Variants in POTEJ observed in about 807,000 individuals in gnomAD.
The protein encoded by POTEJ is POTE ankyrin domain family member J.
Under a neutral mutation model 69.0 loss-of-function variants are expected in POTEJ, and 11 were observed. The ratio of observed to expected loss-of-function variants is 0.16; its 90% CI spans 0.10 to 0.26. The LOEUF is 0.26. Ranked by LOEUF, POTEJ falls within the 10% of genes least tolerant of loss-of-function variation. The pLI, the probability that POTEJ is intolerant of heterozygous loss-of-function variation, is 1.00. For missense variants in POTEJ, 327 were observed against 1,045.5 expected (o/e 0.31, Z 9.48); for synonymous variants, 117 against 381.1 (o/e 0.31, Z 8.07).
In POTEJ at chr2:130,636,476, A is replaced by G. The variant is rs1295337390; in HGVS notation, c.1299-2143A>G. Among the ~76,000 whole-genome samples, 2 of 145,282 alleles carry G rather than the reference A, an allele frequency of 1.4e-5. 1 individual carries two copies. Among genetic ancestry groups the G allele is most frequent in the Non-Finnish European group, 3.1e-5 (2 of 65,136 alleles). On this transcript the variant is annotated intron_variant, in intron 9 of 14. Transcript: ENST00000409602. ...GATATACAAATAAAAGGTTTTTTGT[A>G]TTAGAAAAAAAAAAACCCTTTCTCA...
chr2:130,641,909 A>C (rs1280801089), intron 10 of POTEJ, among the ~76,000 whole-genome samples: 3 of 152,216 alleles, frequency 2.0e-5, no homozygotes, highest in Non-Finnish European at 4.4e-5. Flanking sequence ...CACAGAACAC[A>C]GAATTGGGAC....
rs1413691294 is a variant in POTEJ, at chr2:130,623,948, C to T, written c.945-116C>T. 1.6e-5 allele frequency: 14 copies of T among 883,844 alleles called. 2 individuals carry two copies. The highest frequency in any genetic ancestry group is 2.3e-5 in the Non-Finnish European group (14 of 601,120). 54.8% of individuals were successfully genotyped at this position (883,844 alleles called of 1,614,324 possible). Reference sequence around the variant, plus strand: ...GTACTCATAAGTGGATGGGATAATACTATTAAGTTCTGATATTCTGATATT... The same window carrying T: ...GTACTCATAAGTGGATGGGATAATATTATTAAGTTCTGATATTCTGATATT... On this transcript the variant is annotated intron_variant, in intron 5 of 14. Transcript: ENST00000409602.
In POTEJ at chr2:130,632,969, C is replaced by T. The variant is rs1443674404; in HGVS notation, c.1298+313C>T. Among the ~76,000 whole-genome samples the T allele has an allele frequency of 1.8e-4, 27 of 147,548 alleles. 2 individuals are homozygous for T. The highest frequency in any genetic ancestry group is 4.2e-4 in the South Asian group (2 of 4,754). On this transcript the variant is annotated intron_variant, in intron 9 of 14. Transcript: ENST00000409602. Reference sequence around the variant, plus strand: ...GTAAAGTGTATCATGGAGATTTGGACGGCAGATTATTTCATCAGCCACATA... The same window carrying T: ...GTAAAGTGTATCATGGAGATTTGGATGGCAGATTATTTCATCAGCCACATA...
In POTEJ at chr2:130,656,016, A is replaced by T. The variant is rs1014257774; in HGVS notation, c.1789-533A>T. 8.9e-4 allele frequency among the ~76,000 whole-genome samples: 128 copies of T among 143,792 alleles called. 1 individual carries two copies. Among genetic ancestry groups the T allele is most frequent in the Non-Finnish European group, 9.0e-4 (59 of 65,216 alleles). The allele number at this position is 143,792 out of a possible 152,430, so 94.3% of individuals were successfully genotyped here. On this transcript the variant is annotated intron_variant, in intron 14 of 14. Coordinates refer to ENST00000409602, the MANE Select transcript of POTEJ (RefSeq NM_001277083.2). ...ATGTAATTCTTATAACTGAGTATAG[A>T]AATATTAGAAATGTAGAATATCGGT...
At position 130,656,530 on chromosome 2, in the gene POTEJ, G is replaced by A. The variant is rs779486485; in HGVS notation, c.1789-19G>A. Reference sequence around the variant, plus strand: ...TCAATCTATTGAGTGCTAACTAAAAGTTCTCTTTGTTTACTTAGCTTTCTC... The same window carrying A: ...TCAATCTATTGAGTGCTAACTAAAAATTCTCTTTGTTTACTTAGCTTTCTC... On this transcript the variant is annotated intron_variant, in intron 14 of 14. Coordinates refer to ENST00000409602, the MANE Select transcript of POTEJ (RefSeq NM_001277083.2). The A allele has an allele frequency of 6.2e-7, 1 of 1,606,278 alleles. No individual in the cohort carries two copies.
intron 13 of POTEJ, among the ~76,000 whole-genome samples, chr2:130,647,039 T>G (rs1224841017): frequency 6.7e-6 from 1 of 150,358 alleles, no homozygotes; most frequent in African/African-American, 2.5e-5. Context: ...GGACATTTAT[T>G]ATAGTATTAT....
intron 1 of POTEJ, among the ~76,000 whole-genome samples, chr2:130,613,307 T>C (rs868680963): frequency 7.0e-5 from 8 of 113,564 alleles, no homozygotes; most frequent in African/African-American, 2.8e-4. Context: ...TACATATGTA[T>C]ATATACATAT....
At chr2:130,635,980 TCTGATTGCCTC>T (rs1266302893) in intron 9 of POTEJ, among the ~76,000 whole-genome samples, 1 of 144,406 alleles carries the variant, frequency 6.9e-6, no homozygotes, top group East Asian at 2.0e-4. Flanking sequence ...CCCCAGCACT[TCTGATTGCCTC>T]CTTTTCACTC....
At chr2:130,655,514 T>C (rs868022642) in intron 14 of POTEJ, among the ~76,000 whole-genome samples, 9 of 152,246 alleles carry the variant, frequency 5.9e-5, no homozygotes, top group South Asian at 2.1e-4. Flanking sequence ...AGTTTCTCAT[T>C]TCAATGTAAA....
intron 10 of POTEJ, among the ~76,000 whole-genome samples, chr2:130,641,768 G>A (rs1269505075): frequency 1.3e-5 from 2 of 152,256 alleles, no homozygotes; most frequent in African/African-American, 2.4e-5. Flanking sequence ...TAGGTCATTG[G>A]ATAATCAGCA....
intron 10 of POTEJ, among the ~76,000 whole-genome samples, chr2:130,639,384 T>G (rs546831262): frequency 6.6e-6 from 1 of 152,428 alleles, no homozygotes; most frequent in South Asian, 2.1e-4. Context: ...TCCTCCTGTT[T>G]TGAAGTTGAA....
At chr2:130,613,488 G>A (rs1410632830) in intron 1 of POTEJ, among the ~76,000 whole-genome samples, 3 of 137,194 alleles carry the variant, frequency 2.2e-5, no homozygotes, top group African/African-American at 8.6e-5. Flanking sequence ...TGCAACCTCT[G>A]CCTCCTAGGT....
intron 1 of POTEJ, among the ~76,000 whole-genome samples, chr2:130,613,689 C>A (rs1308922085): frequency 7.3e-6 from 1 of 136,902 alleles, no homozygotes; most frequent in African/African-American, 3.1e-5. Flanking sequence ...GCGTGAGCCA[C>A]CGTGCCTGGT....
chr2:130,629,422 G>A (rs1430850234), intron 6 of POTEJ, among the ~76,000 whole-genome samples: 1 of 145,218 alleles, frequency 6.9e-6, no homozygotes, highest in Non-Finnish European at 1.5e-5. Flanking sequence ...ACAGCTCTGA[G>A]TGAATGCTGA....
intron 10 of POTEJ, among the ~76,000 whole-genome samples, chr2:130,638,983 A>G (rs1686218844): frequency 6.6e-6 from 1 of 152,262 alleles, no homozygotes; most frequent in Non-Finnish European, 1.5e-5. Context: ...ACAGATCATC[A>G]GGCATTAGAT....
chr2:130,611,372 G>C, upstream of POTEJ: 1 of 534,662 alleles, frequency 1.9e-6, no homozygotes, highest in Non-Finnish European at 3.2e-6. Flanking sequence ...TTCCCTGGGT[G>C]GGGTGGGTTG....
In POTEJ at chr2:130,638,698, TG is replaced by T; in HGVS notation, c.1369+10del. ...TGAAAACAGCAACCCAGGTAAGACT[TG>T]TGATAGTGAATTACTTTAGGTCAGT... On this transcript the variant is annotated intron_variant, in intron 10 of 14. Transcript: ENST00000409602. 2.3e-6 allele frequency: 3 copies of T among 1,316,594 alleles called. No individual in the cohort carries two copies. Among genetic ancestry groups the T allele is most frequent in the African/African-American group, 1.5e-5 (1 of 67,292 alleles). 81.6% of individuals were successfully genotyped at this position (1,316,594 alleles called of 1,614,324 possible).
At chr2:130,644,277 T>C (rs1336955394) in intron 11 of POTEJ, among the ~76,000 whole-genome samples, 1 of 144,682 alleles carries the variant, frequency 6.9e-6, no homozygotes, top group Non-Finnish European at 1.5e-5. Context: ...GAGACCATCC[T>C]GGCTAACATG....
chr2:130,641,140 A>T lies in POTEJ; in HGVS notation c.1369+2451A>T, dbSNP rs1444429232. Among the ~76,000 whole-genome samples the T allele has an allele frequency of 3.9e-4, 60 of 151,992 alleles. No individual in the cohort carries two copies. The East Asian group carries it at 0.011, about 28-fold the overall frequency. On this transcript the variant is annotated intron_variant, in intron 10 of 14. Coordinates refer to ENST00000409602, the MANE Select transcript of POTEJ (RefSeq NM_001277083.2). ...ACAGGCATGACTGAGCTCCTATAAAACTTTATTTACAAAACCATAATGCAG... is the reference window on the plus strand; with the variant it reads ...ACAGGCATGACTGAGCTCCTATAAATCTTTATTTACAAAACCATAATGCAG...
Sources: allele counts gnomAD v4.1 joint callset (sites outside exome capture counted in the v4.1 genomes callset), GRCh38; gene constraint gnomAD v4.1.1; transcripts MANE v1.5; gene names NCBI Gene and HGNC (gene_info 2026-07-23, HGNC 2026-07-21).